The following SNAI1 variants were observed in gnomAD, a reference collection of about 807,000 sequenced individuals.
SNAI1 encodes the protein zinc finger protein SNAI1.
A neutral mutation model predicts 24.7 loss-of-function variants in SNAI1; 15 were observed. The ratio of observed to expected loss-of-function variants is 0.61; its 90% CI spans 0.41 to 0.93. SNAI1 has a LOEUF of 0.93. Ranked by LOEUF, SNAI1 falls within the 40% of genes least tolerant of loss-of-function variation. The pLI, the probability that SNAI1 is intolerant of heterozygous loss-of-function variation, is 0.00. For missense variants in SNAI1, 283 were observed against 336.7 expected (o/e 0.84, Z 1.25); for synonymous variants, 163 against 142.9 (o/e 1.14, Z -1.00).
Position 49,983,045 on chromosome 20 carries a change from A to C in SNAI1, c.-15A>C. ...TACTGCTGCGCGAATCGGCGACCCC[A>C]GTGCCTCGACCACTATGCCGCGCTC... On this transcript the variant is annotated 5_prime_UTR_variant, in exon 1 of 3. Transcript: ENST00000244050. The C allele has an allele frequency of 6.2e-7, 1 of 1,609,070 alleles. No homozygotes were observed. The highest frequency in any genetic ancestry group is 1.1e-5 in the South Asian group (1 of 90,884).
intron 1 of SNAI1, among the ~76,000 whole-genome samples, chr20:49,983,471 A>G (rs554267560): frequency 2.2e-4 from 25 of 113,648 alleles, no homozygotes; most frequent in African/African-American, 7.7e-4. Flanking sequence ...TCCGGAGTCC[A>G]GAGGGTTGAG....
At chr20:49,984,400 T>A (rs990137124) in intron 2 of SNAI1, 49 bp downstream of exon 2, 1 of 1,498,378 alleles carries the variant, frequency 6.7e-7, no homozygotes, top group African/African-American at 1.4e-5. Context: ...TGGCAGCTTT[T>A]GTGAATCTGG....
chr20:49,986,253 A>G (rs1254962388), intron 2 of SNAI1, among the ~76,000 whole-genome samples: 4 of 152,178 alleles, frequency 2.6e-5, no homozygotes, highest in Admixed American at 2.6e-4. Context: ...GGCAGAGTGG[A>G]GTAGTGCTCA....
Position 49,983,005 on chromosome 20 carries a change from G to A in SNAI1, c.-55G>A, listed in dbSNP as rs1600886407. 5 of 1,305,488 alleles carry A rather than the reference G, an allele frequency of 3.8e-6. No homozygotes were observed. Among genetic ancestry groups the A allele is most frequent in the African/African-American group, 1.5e-5 (1 of 67,760 alleles). The allele number at this position is 1,305,488 out of a possible 1,614,324, so 80.9% of individuals were successfully genotyped here. On this transcript the variant is annotated 5_prime_UTR_variant, in exon 1 of 3. In the 5' UTR this introduces an upstream ATG that the reference lacks. Coordinates refer to ENST00000244050, the MANE Select transcript of SNAI1 (RefSeq NM_005985.4). ...ATTGCGCCGCGGCACGGCCTAGCGA[G>A]TGGTTCTTCTGCGCTACTGCTGCGC...
chr20:49,985,727 C>T (rs753272028), intron 2 of SNAI1, among the ~76,000 whole-genome samples: 2 of 152,170 alleles, frequency 1.3e-5, no homozygotes, highest in South Asian at 2.1e-4. Flanking sequence ...CATGGGGCAG[C>T]GGTGCCCAGC....
intron 2 of SNAI1, among the ~76,000 whole-genome samples, chr20:49,987,199 C>T (rs1347178899): frequency 1.3e-5 from 2 of 151,544 alleles, no homozygotes; most frequent in African/African-American, 4.9e-5. Flanking sequence ...GGGATTACAG[C>T]GCAGGAGGTG....
At chr20:49,984,814 A>C (rs2078328947) in intron 2 of SNAI1, among the ~76,000 whole-genome samples, 1 of 152,220 alleles carries the variant, frequency 6.6e-6, no homozygotes, top group Non-Finnish European at 1.5e-5. Context: ...TCAGATGGGC[A>C]TGAGAACAGC....
rs761841522 is a variant in SNAI1, at chr20:49,983,809, C to T, written c.83-15C>T. The T allele has an allele frequency of 1.3e-6, 2 of 1,562,346 alleles. No individual in the cohort carries two copies. The highest frequency in any genetic ancestry group is 2.3e-5 in the East Asian group (1 of 44,276). ...ATGATTTAATTAACGCCTGACTCTG[C>T]TTTTTCTCCCTCAGAGTTTACCTTC... On this transcript the variant is annotated splice_polypyrimidine_tract_variant and intron_variant, in intron 1 of 2. Transcript: ENST00000244050.
At chr20:49,985,573 C>T (rs1325116191) in intron 2 of SNAI1, among the ~76,000 whole-genome samples, 1 of 152,188 alleles carries the variant, frequency 6.6e-6, no homozygotes, top group Non-Finnish European at 1.5e-5. Flanking sequence ...TCTCTCACCT[C>T]CCATCTGGAC....
At chr20:49,985,932 C>T (rs2078332574) in intron 2 of SNAI1, among the ~76,000 whole-genome samples, 1 of 152,204 alleles carries the variant, frequency 6.6e-6, no homozygotes, top group Admixed American at 6.5e-5. Context: ...CCTGCGTGTG[C>T]ACACAGCCCC....
chr20:49,985,510 G>T (rs1052958416), intron 2 of SNAI1, among the ~76,000 whole-genome samples: 5 of 152,180 alleles, frequency 3.3e-5, no homozygotes, highest in African/African-American at 9.7e-5. Flanking sequence ...CCAGCTCACA[G>T]GGCTCTATTT....
rs1543442 is a variant in SNAI1 at position 49,988,262 on chromosome 20, A to G, written c.*206A>G. Reference sequence around the variant, plus strand: ...CCTGGGCTCTGGAAGAGGCCTTCCCATGGCCATTTCTGTGGAGGGAGGGCA... The same window carrying G: ...CCTGGGCTCTGGAAGAGGCCTTCCCGTGGCCATTTCTGTGGAGGGAGGGCA... On this transcript the variant is annotated 3_prime_UTR_variant, in exon 3 of 3. Coordinates refer to ENST00000244050, the MANE Select transcript of SNAI1 (RefSeq NM_005985.4). 0.68 allele frequency: 359,746 copies of G among 532,278 alleles called. 122,889 individuals are homozygous for G. The highest frequency in any genetic ancestry group is 0.83 in the African/African-American group (42,345 of 51,042). 33.0% of individuals were successfully genotyped at this position (532,278 alleles called of 1,614,324 possible). A position where few individuals can be genotyped will look rare whatever the true frequency, so the allele number is the denominator to read the frequency against.
intron 2 of SNAI1, among the ~76,000 whole-genome samples, chr20:49,986,514 G>A (rs1490122294): frequency 2.6e-5 from 4 of 152,142 alleles, no homozygotes; most frequent in Admixed American, 6.5e-5. Flanking sequence ...TTTCACAGGC[G>A]GGCCCTGACC....
chr20:49,983,035 C>T lies in SNAI1; in HGVS notation c.-25C>T, dbSNP rs1216795357. ...TCTTCTGCGCTACTGCTGCGCGAAT[C>T]GGCGACCCCAGTGCCTCGACCACTA... On this transcript the variant is annotated 5_prime_UTR_variant, in exon 1 of 3. Coordinates refer to ENST00000244050, the MANE Select transcript of SNAI1 (RefSeq NM_005985.4). 10 of 1,594,000 alleles carry T rather than the reference C, an allele frequency of 6.3e-6. No individual in the cohort carries two copies. Among genetic ancestry groups the T allele is most frequent in the African/African-American group, 1.3e-5 (1 of 74,286 alleles).
In SNAI1 at chr20:49,983,102, C is replaced by T. The variant is rs2078321972; in HGVS notation, c.43C>T (p.Arg15Trp). Residue 15 changes from arginine to tryptophan, a missense_variant, in exon 1 of 3, where the codon CGG becomes TGG. Arg to Trp is a moderately radical substitution (Grantham distance 101). Transcript: ENST00000244050. Reference sequence around the variant, plus strand: ...CGTCAGGAAGCCCTCCGACCCCAATCGGAAGCCTAACTACAGCGAGCTGCA... The same window carrying T: ...CGTCAGGAAGCCCTCCGACCCCAATTGGAAGCCTAACTACAGCGAGCTGCA... ...FLVRKPSDPN[R>W]KPNYSELQDS... 1.2e-6 allele frequency: 2 copies of T among 1,613,854 alleles called. No individual in the cohort carries two copies. Among genetic ancestry groups the T allele is most frequent in the South Asian group, 2.2e-5 (2 of 91,058 alleles).
chr20:49,983,202 G>T, intron 1 of SNAI1, 61 bp downstream of exon 1: 1 of 1,316,682 alleles, frequency 7.6e-7, no homozygotes, highest in Non-Finnish European at 1.1e-6. Flanking sequence ...GGCTGCGTGG[G>T]GGGCACCTGA....
chr20:49,987,810 T>G (rs2078338689), intron 2 of SNAI1, 62 bp from the exon 3 acceptor site: 2 of 1,483,240 alleles, frequency 1.3e-6, no homozygotes, highest in Admixed American at 1.7e-5. Context: ...CGGGGAGGGA[T>G]TCCCATCACT....
chr20:49,983,982 G>T lies in SNAI1; in HGVS notation c.241G>T (p.Glu81Ter). The T allele has an allele frequency of 6.2e-7, 1 of 1,613,644 alleles. No homozygotes were observed. ...TGCCTGGGCCTCCCTTCGGCTCCAGGAGAGTCCCAGGGTGGCAGAGCTGAC... is the reference window on the plus strand; with the variant it reads ...TGCCTGGGCCTCCCTTCGGCTCCAGTAGAGTCCCAGGGTGGCAGAGCTGAC... ...PIAWASLRLQESPRVAELTSL... is the reference protein window; with the variant it reads ...PIAWASLRLQ The change falls in exon 2 of 3, where the codon GAG becomes TAG. Residue 81 changes from glutamate (E) to a stop codon, truncating the protein, a stop_gained. Coordinates refer to ENST00000244050, the MANE Select transcript of SNAI1 (RefSeq NM_005985.4). LOFTEE classifies it high-confidence loss of function.
At position 49,987,945 on chromosome 20, in the gene SNAI1, G is replaced by A. The variant is rs2146881208; in HGVS notation, c.684G>A (p.Gln228=). The stretch of plus-strand genomic sequence containing the variant: ...GCTCCAACCTGCGGGCCCACCTCCA[G>A]ACCCACTCAGATGTCAAGAAGTACC... The part of the protein sequence containing the change: ...ADRSNLRAHL[Q]THSDVKKYQC... Residue 228 remains glutamine (Q), a synonymous_variant, in exon 3 of 3, where the codon CAG becomes CAA. Transcript: ENST00000244050. 1 of 1,614,076 alleles carries A rather than the reference G, an allele frequency of 6.2e-7. No individual in the cohort carries two copies. The highest frequency in any genetic ancestry group is 8.5e-7 in the Non-Finnish European group (1 of 1,179,998).
Sources: gnomAD v4.1 joint callset for allele counts (sites outside exome capture counted in the v4.1 genomes callset) on GRCh38, gnomAD v4.1.1 for gene constraint, MANE v1.5 for transcripts, NCBI Gene and HGNC (gene_info 2026-07-23, HGNC 2026-07-21) for gene names.